The following SEPTIN10 variants were observed in gnomAD, a reference collection of about 807,000 sequenced individuals.
SEPTIN10 encodes the protein septin 10.
SEPTIN10 carries 66 observed loss-of-function variants against 54.8 expected under a neutral mutation model. The ratio of observed to expected loss-of-function variants is 1.21; its 90% CI spans 0.99 to 1.48. SEPTIN10 has a LOEUF of 1.48. SEPTIN10 is among the 40% of genes most tolerant of loss of function. The pLI is 0.00. For synonymous variants in SEPTIN10, 161 were observed against 181.0 expected (o/e 0.89, Z 0.89); for missense variants, 620 against 545.6 (o/e 1.14, Z -1.36).
At chr2:109,565,412 C>A (rs941803479) in intron 7 of SEPTIN10, among the ~76,000 whole-genome samples, 9 of 152,216 alleles carry the variant, frequency 5.9e-5, no homozygotes, top group African/African-American at 2.2e-4. Context: ...ATACTTTGAT[C>A]AGTAAAAATA....
chr2:109,568,045 A>C, intron 5 of SEPTIN10, 69 bp from the exon 6 acceptor site: 1 of 1,226,424 alleles, frequency 8.2e-7, no homozygotes, highest in East Asian at 2.5e-5. Context: ...CTGTTTTTTC[A>C]CTCAAAACTG....
At chr2:109,594,175 A>G (rs1341998539) in intron 1 of SEPTIN10, among the ~76,000 whole-genome samples, 2 of 152,200 alleles carry the variant, frequency 1.3e-5, no homozygotes, top group Non-Finnish European at 2.9e-5. Context: ...GAAAAACTGT[A>G]CTAATTCCAA....
intron 8 of SEPTIN10, among the ~76,000 whole-genome samples, chr2:109,559,988 T>C (rs1052201184): frequency 2.0e-5 from 3 of 149,912 alleles, no homozygotes; most frequent in Non-Finnish European, 4.4e-5. Context: ...TGGCATGATC[T>C]TGGCTCACCG....
intron 1 of SEPTIN10, among the ~76,000 whole-genome samples, chr2:109,601,250 T>C (rs1336978582): frequency 3.3e-5 from 5 of 152,212 alleles, no homozygotes; most frequent in Admixed American, 3.3e-4. Flanking sequence ...ATCCTTAAGC[T>C]ACCTAGGGGC....
chr2:109,611,160 G>C (rs1007784047), intron 1 of SEPTIN10, among the ~76,000 whole-genome samples: 1 of 152,152 alleles, frequency 6.6e-6, no homozygotes, highest in African/African-American at 2.4e-5. Flanking sequence ...CTCAACTTAA[G>C]TCTGACACCT....
At chr2:109,550,276 G>C (rs1682556919) in intron 9 of SEPTIN10, among the ~76,000 whole-genome samples, 1 of 150,936 alleles carries the variant, frequency 6.6e-6, no homozygotes, top group Admixed American at 6.6e-5. Context: ...GGCAACAAAA[G>C]CAAGACTCAG....
At chr2:109,571,754 T>A (rs1299929504) in intron 5 of SEPTIN10, among the ~76,000 whole-genome samples, 6 of 152,150 alleles carry the variant, frequency 3.9e-5, no homozygotes, top group Non-Finnish European at 7.3e-5. Context: ...CTAGGAAGCA[T>A]CTAGAACTAG....
chr2:109,565,694 A>G (rs1686817963), intron 7 of SEPTIN10, 69 bp downstream of exon 7: 3 of 1,278,232 alleles, frequency 2.3e-6, no homozygotes, highest in Admixed American at 1.7e-5. Context: ...CACCCCAAAG[A>G]AGGCATGACA....
intron 2 of SEPTIN10, among the ~76,000 whole-genome samples, chr2:109,592,070 T>C (rs972255336): frequency 3.9e-5 from 6 of 152,278 alleles, no homozygotes; most frequent in African/African-American, 1.4e-4. Context: ...TAAGGTGTAA[T>C]CTTGCATCAG....
intron 4 of SEPTIN10, among the ~76,000 whole-genome samples, chr2:109,580,035 C>T (rs575152069): frequency 6.6e-6 from 1 of 151,926 alleles, no homozygotes; most frequent in East Asian, 2.0e-4. Context: ...GCAGGAGAAT[C>T]GTCTGAACCT....
Position 109,565,859 on chromosome 2 carries a change from C to T in SEPTIN10, c.763G>A (p.Gly255Arg). The T allele has an allele frequency of 1.2e-6, 2 of 1,613,586 alleles. No individual in the cohort carries two copies. Among genetic ancestry groups the T allele is most frequent in the Non-Finnish European group, 1.7e-6 (2 of 1,179,644 alleles). The change falls in exon 7 of 11, where the codon GGA (glycine) becomes AGA (arginine). Residue 255 changes from glycine (G) to arginine (R), a missense_variant and splice_region_variant. By Grantham distance (125) the Gly-to-Arg change is moderately radical. Coordinates refer to ENST00000397712, the MANE Select transcript of SEPTIN10 (RefSeq NM_144710.5). Reference sequence around the variant, plus strand: ...CCCACAACAGCAAACGGCAACTGTCCCTGAAAAAGAATATCGAGCACATCT... The same window carrying T: ...CCCACAACAGCAAACGGCAACTGTCTCTGAAAAAGAATATCGAGCACATCT... ...TIAKVNAAMN[G>R]QLPFAVVGSM...
At chr2:109,564,199 A>G in intron 8 of SEPTIN10, 167 bp downstream of exon 8, 2 of 536,462 alleles carry the variant, frequency 3.7e-6, no homozygotes, top group Non-Finnish European at 5.8e-6. Flanking sequence ...AAAAGCAAGA[A>G]GGAGTCAAGT....
chr2:109,593,040 G>T lies in SEPTIN10; in HGVS notation c.99+11C>A. 1 of 1,560,554 alleles carries T rather than the reference G, an allele frequency of 6.4e-7. No individual in the cohort carries two copies. Among genetic ancestry groups the T allele is most frequent in the Non-Finnish European group, 8.7e-7 (1 of 1,152,016 alleles). On this transcript the variant is annotated intron_variant, in intron 2 of 10. Coordinates refer to ENST00000397712, the MANE Select transcript of SEPTIN10 (RefSeq NM_144710.5). Reference sequence around the variant, plus strand: ...AGTACAATATGGTATCTATTTAAAAGACATACTCACTATCTGTTCATCATC... The same window carrying T: ...AGTACAATATGGTATCTATTTAAAATACATACTCACTATCTGTTCATCATC...
chr2:109,581,439 A>G (rs537392791), intron 4 of SEPTIN10, among the ~76,000 whole-genome samples: 16 of 152,186 alleles, frequency 1.1e-4, no homozygotes, highest in African/African-American at 3.6e-4. Flanking sequence ...CCTGTCTCAA[A>G]AAAAAAAACA....
At chr2:109,576,493 T>C (rs1163288564) in intron 4 of SEPTIN10, among the ~76,000 whole-genome samples, 1 of 152,174 alleles carries the variant, frequency 6.6e-6, no homozygotes, top group Non-Finnish European at 1.5e-5. Context: ...TCAAAGTGAT[T>C]ATTATAACAA....
rs1192726158 is a variant in SEPTIN10 at position 109,564,311 on chromosome 2, T to C, written c.1028+55A>G. The C allele has an allele frequency of 5.7e-6, 8 of 1,410,268 alleles. No homozygotes were observed. The East Asian group carries it at 1.5e-4, about 26-fold the overall frequency. The allele number at this position is 1,410,268 out of a possible 1,614,324, so 87.4% of individuals were successfully genotyped here. On this transcript the variant is annotated intron_variant, in intron 8 of 10. Transcript: ENST00000397712. ...CCCCATCATCCTGGATATATAAAAA[T>C]ATGCAATCCTCTCTAACTTCCTCTT...
chr2:109,608,703 C>T (rs993284750), intron 1 of SEPTIN10, among the ~76,000 whole-genome samples: 16 of 152,242 alleles, frequency 1.1e-4, no homozygotes, highest in East Asian at 3.9e-4. Context: ...ATTTTACTTT[C>T]GTCATTATGA....
intron 4 of SEPTIN10, among the ~76,000 whole-genome samples, chr2:109,577,074 A>C (rs893406446): frequency 6.6e-6 from 1 of 152,154 alleles, no homozygotes; most frequent in Non-Finnish European, 1.5e-5. Context: ...AGATCTTAAA[A>C]GCATTAGAGG....
chr2:109,549,987 A>G (rs1031825663), intron 9 of SEPTIN10, among the ~76,000 whole-genome samples: 1 of 152,118 alleles, frequency 6.6e-6, no homozygotes, highest in Non-Finnish European at 1.5e-5. Flanking sequence ...TGTAAACACT[A>G]CTTTTAAGGA....
Sources: allele counts gnomAD v4.1 joint callset (sites outside exome capture counted in the v4.1 genomes callset), GRCh38; gene constraint gnomAD v4.1.1; transcripts MANE v1.5; gene names NCBI Gene and HGNC (gene_info 2026-07-23, HGNC 2026-07-21).